The following CNTNAP5 variants were observed in gnomAD, a reference collection of about 807,000 sequenced individuals.
CNTNAP5 encodes the protein contactin-associated protein-like 5.
In CNTNAP5, 72 loss-of-function variants were observed where a neutral mutation model predicts 150.2. The ratio of observed to expected loss-of-function variants is 0.48; its 90% CI spans 0.40 to 0.58. The LOEUF is 0.58. CNTNAP5 is among the 20% of genes least tolerant of loss of function. The pLI, the probability that CNTNAP5 is intolerant of heterozygous loss-of-function variation, is 0.00. For synonymous variants in CNTNAP5, 672 were observed against 619.8 expected, an observed-to-expected ratio of 1.08 and a Z score of -1.25; for missense variants, 1,636 against 1,626.2, an observed-to-expected ratio of 1.01 and a Z score of -0.10.
intron 3 of CNTNAP5, among the ~76,000 whole-genome samples, chr2:124,271,453 G>C (rs1266027461): frequency 1.3e-5 from 2 of 152,152 alleles, no homozygotes; most frequent in East Asian, 3.9e-4. Flanking sequence ...GAAAAAGGTG[G>C]CCTCTGGGTA....
intron 1 of CNTNAP5, among the ~76,000 whole-genome samples, chr2:124,119,822 G>A (rs758486572): frequency 7.9e-5 from 12 of 152,160 alleles, no homozygotes; most frequent in Non-Finnish European, 1.5e-4. Context: ...GTCAAAAGCT[G>A]CAGTGAACAG....
chr2:124,677,117 C>T (rs1437334776), intron 13 of CNTNAP5, among the ~76,000 whole-genome samples: 1 of 152,130 alleles, frequency 6.6e-6, no homozygotes, highest in African/African-American at 2.4e-5. Flanking sequence ...GTCCTGAGTT[C>T]GTTCCTTCAG....
chr2:124,625,674 C>T (rs537181193), intron 12 of CNTNAP5, among the ~76,000 whole-genome samples: 54 of 152,246 alleles, frequency 3.5e-4, no homozygotes, highest in Middle Eastern at 3.4e-3. Flanking sequence ...TGACTCCTTC[C>T]GGATGGGTCT....
At chr2:124,382,558 C>G (rs1690822961) in intron 3 of CNTNAP5, among the ~76,000 whole-genome samples, 1 of 152,032 alleles carries the variant, frequency 6.6e-6, no homozygotes. Flanking sequence ...ACTTGCTTTC[C>G]CATCAGTACA....
At chr2:124,829,425 T>C (rs1682667229) in intron 19 of CNTNAP5, among the ~76,000 whole-genome samples, 1 of 152,204 alleles carries the variant, frequency 6.6e-6, no homozygotes, top group Non-Finnish European at 1.5e-5. Flanking sequence ...CTTTCCTATT[T>C]GTTGGAAAGC....
At chr2:124,732,079 C>T (rs1179833145) in intron 13 of CNTNAP5, among the ~76,000 whole-genome samples, 1 of 151,916 alleles carries the variant, frequency 6.6e-6, no homozygotes, top group African/African-American at 2.4e-5. Context: ...AAATGTATTA[C>T]AATGCAAAAT....
intron 19 of CNTNAP5, among the ~76,000 whole-genome samples, chr2:124,821,176 GA>G (rs1265207006): frequency 8.5e-5 from 13 of 152,178 alleles, no homozygotes; most frequent in African/African-American, 2.9e-4. Flanking sequence ...ATTAATACCA[GA>G]GTAAGTTAAT....
intron 12 of CNTNAP5, among the ~76,000 whole-genome samples, chr2:124,629,799 A>G (rs1677807548): frequency 6.8e-6 from 1 of 147,314 alleles, no homozygotes; most frequent in Admixed American, 6.8e-5. Context: ...GAAAAAACCA[A>G]TAAAATAGAT....
At chr2:124,245,606 T>A (rs1686997119) in intron 3 of CNTNAP5, among the ~76,000 whole-genome samples, 1 of 151,628 alleles carries the variant, frequency 6.6e-6, no homozygotes, top group Non-Finnish European at 1.5e-5. Context: ...TGTGTAAATA[T>A]ATATATGCAT....
intron 19 of CNTNAP5, among the ~76,000 whole-genome samples, chr2:124,850,141 G>A (rs1683125460): frequency 6.6e-6 from 1 of 152,132 alleles, no homozygotes. Context: ...AGAACAAAAT[G>A]GGCAACCAAT....
chr2:124,252,322 G>A (rs1687201636), intron 3 of CNTNAP5, among the ~76,000 whole-genome samples: 1 of 152,144 alleles, frequency 6.6e-6, no homozygotes, highest in Non-Finnish European at 1.5e-5. Context: ...TTAGAGGCCC[G>A]TTCCTAAGTC....
intron 11 of CNTNAP5, among the ~76,000 whole-genome samples, 165 bp from the exon 12 acceptor site, chr2:124,609,636 A>G (rs1322808369): frequency 2.0e-5 from 3 of 152,174 alleles, no homozygotes; most frequent in African/African-American, 7.2e-5. Flanking sequence ...AAACATCAGT[A>G]TCAAGCCACT....
At chr2:124,027,160 T>C (rs751897698) in intron 1 of CNTNAP5, among the ~76,000 whole-genome samples, 69 of 152,344 alleles carry the variant, frequency 4.5e-4, no homozygotes, top group Non-Finnish European at 8.1e-4. Flanking sequence ...GAATCTGAGT[T>C]TTTTTCTTTT....
chr2:124,678,606 C>A (rs952676954), intron 13 of CNTNAP5, among the ~76,000 whole-genome samples: 6 of 151,684 alleles, frequency 4.0e-5, no homozygotes, highest in African/African-American at 1.5e-4. Flanking sequence ...CTGACTGGCC[C>A]AAAAAGGATT....
chr2:124,768,271 A>ATG (rs10598326), intron 16 of CNTNAP5, among the ~76,000 whole-genome samples: 68 of 131,320 alleles, frequency 5.2e-4, no homozygotes, highest in African/African-American at 1.7e-3. Context: ...TACTGTATGT[A>ATG]TGTGTGTGTG....
At chr2:124,203,159 C>A (rs143600207) in intron 1 of CNTNAP5, among the ~76,000 whole-genome samples, 4 of 152,064 alleles carry the variant, frequency 2.6e-5, no homozygotes, top group African/African-American at 9.7e-5. Flanking sequence ...TTGGCCAAAA[C>A]GAAGGGGTTA....
Position 124,745,654 on chromosome 2 carries a change from A to T in CNTNAP5, c.2078-1575A>T, listed in dbSNP as rs186251708. Among the ~76,000 whole-genome samples, 27 of 152,340 alleles carry T rather than the reference A, an allele frequency of 1.8e-4. No homozygotes were observed. The East Asian group carries it at 4.2e-3, about 24-fold the overall frequency. On this transcript the variant is annotated intron_variant, in intron 13 of 23. Coordinates refer to ENST00000682447, the MANE Select transcript of CNTNAP5 (RefSeq NM_001367498.1). ...TTCATATTGTTTATAACTATTCTTTAAAAGAACACACTGGTTAACAGACAT... is the reference window on the plus strand; with the variant it reads ...TTCATATTGTTTATAACTATTCTTTTAAAGAACACACTGGTTAACAGACAT...
In CNTNAP5 at chr2:124,377,750, A is replaced by G. The variant is rs898626183; in HGVS notation, c.382-39693A>G. Among the ~76,000 whole-genome samples, 16 of 151,686 alleles carry G rather than the reference A, an allele frequency of 1.1e-4. No homozygotes were observed. The South Asian group carries it at 1.5e-3, about 14-fold the overall frequency. On this transcript the variant is annotated intron_variant, in intron 3 of 23. Coordinates refer to ENST00000682447, the MANE Select transcript of CNTNAP5 (RefSeq NM_001367498.1). ...GGATAATAATGCAAATCCCTGGGGG[A>G]AAAAAAATAAATTTTAGGAAATGTT...
intron 13 of CNTNAP5, among the ~76,000 whole-genome samples, chr2:124,709,181 T>C (rs2105101386): frequency 6.6e-6 from 1 of 152,002 alleles, no homozygotes; most frequent in East Asian, 1.9e-4. Flanking sequence ...GAGATAACAG[T>C]TGAAGAGGAA....
Sources: gnomAD v4.1 joint callset for allele counts (sites outside exome capture counted in the v4.1 genomes callset) on GRCh38, gnomAD v4.1.1 for gene constraint, MANE v1.5 for transcripts, NCBI Gene and HGNC (gene_info 2026-07-23, HGNC 2026-07-21) for gene names.